The following OPHN1 variants were observed in gnomAD, a reference collection of about 807,000 sequenced individuals.
OPHN1 encodes oligophrenin 1.
In OPHN1, 11 loss-of-function variants were observed where a neutral mutation model predicts 60.7. That is an observed-to-expected ratio of 0.18 (90% confidence interval 0.11 to 0.30). The LOEUF (loss-of-function observed/expected upper bound fraction) is 0.30. Among genes scored for constraint, OPHN1 ranks in the 10% least tolerant of loss-of-function variants. OPHN1 has a pLI of 1.00. For synonymous variants in OPHN1, 226 were observed against 222.6 expected (o/e 1.02, Z -0.14); for missense variants, 449 against 611.0 (o/e 0.73, Z 2.80).
intron 2 of OPHN1, among the ~76,000 whole-genome samples, chrX:68,421,104 A>G (rs763136917): frequency 8.9e-6 from 1 of 111,898 alleles, no homozygotes; most frequent in South Asian, 3.7e-4. Context: ...GATTAGTCAA[A>G]GAAAAGGAAA....
intron 6 of OPHN1, among the ~76,000 whole-genome samples, chrX:68,217,075 C>T (rs983284490): frequency 3.6e-5 from 4 of 111,307 alleles, no homozygotes; most frequent in African/African-American, 6.5e-5. Flanking sequence ...GTGCGCGCAC[C>T]GTGCGCGAGC....
intron 2 of OPHN1, among the ~76,000 whole-genome samples, chrX:68,383,945 C>G (rs1176771898): frequency 2.7e-5 from 3 of 111,200 alleles, no homozygotes; most frequent in African/African-American, 9.8e-5. Context: ...GAACGTTTGC[C>G]AGTTACCTGA....
At chrX:68,209,975 C>G in intron 9 of OPHN1, 178 bp downstream of exon 9, 34 of 476,507 alleles carry the variant, frequency 7.1e-5, no homozygotes, top group East Asian at 1.2e-4. Flanking sequence ...AAATCTTTAA[C>G]TTCCTCTCAG....
chrX:68,072,656 C>T (rs2076939028), intron 20 of OPHN1, among the ~76,000 whole-genome samples: 1 of 111,240 alleles, frequency 9.0e-6, no homozygotes, highest in African/African-American at 3.3e-5. Context: ...GGCAGAGGCA[C>T]ATTTAGAATG....
At chrX:68,396,887 G>A (rs1260469089) in intron 2 of OPHN1, among the ~76,000 whole-genome samples, 1 of 112,058 alleles carries the variant, frequency 8.9e-6, no homozygotes, top group Non-Finnish European at 1.9e-5. Context: ...TAAGTAGTAA[G>A]TGGCTGGAAA....
At chrX:68,227,268 A>G in intron 6 of OPHN1, among the ~76,000 whole-genome samples, 1 of 111,331 alleles carries the variant, frequency 9.0e-6, no homozygotes, top group Non-Finnish European at 1.9e-5. Flanking sequence ...AAGTCCTTAG[A>G]GACCGAGAAA....
intron 15 of OPHN1, chrX:68,132,890 G>T: frequency 3.1e-6 from 1 of 326,443 alleles, no homozygotes; most frequent in Non-Finnish European, 5.4e-6. Context: ...ACGCTGAAGC[G>T]GCCCATGGAC....
At chrX:68,236,458 A>C (rs2077753355) in intron 5 of OPHN1, among the ~76,000 whole-genome samples, 1 of 112,377 alleles carries the variant, frequency 8.9e-6, no homozygotes, top group Admixed American at 9.4e-5. Context: ...GGTTTTTAGC[A>C]TATTCACAAA....
chrX:68,215,045 T>A (rs922274026), intron 6 of OPHN1, among the ~76,000 whole-genome samples: 1 of 111,019 alleles, frequency 9.0e-6, no homozygotes, highest in Non-Finnish European at 1.9e-5. Context: ...ATAATTATAA[T>A]TAATATGATA....
chrX:68,152,208 C>T lies in OPHN1; in HGVS notation c.1277-32876G>A, dbSNP rs764763381. On this transcript the variant is annotated intron_variant, in intron 15 of 24. Transcript: ENST00000355520. ...GGCAACAAACATCCAAACCATATCA[C>T]CCCTCTCAGCAGGTAGCCTTACCAT... is the stretch of plus-strand genomic sequence containing the variant. Among the ~76,000 whole-genome samples the T allele has an allele frequency of 3.1e-3, 343 of 111,088 alleles. 1 individual carries two copies. The highest frequency in any genetic ancestry group is 0.03 in the South Asian group (77 of 2,537).
intron 2 of OPHN1, among the ~76,000 whole-genome samples, chrX:68,344,455 T>C (rs1387370709): frequency 1.9e-5 from 2 of 105,019 alleles, no homozygotes. Flanking sequence ...TTACAAAAAT[T>C]ACAAAAATTA....
intron 2 of OPHN1, among the ~76,000 whole-genome samples, chrX:68,378,585 A>G (rs2078575034): frequency 2.7e-5 from 3 of 111,816 alleles, no homozygotes; most frequent in Non-Finnish European, 3.8e-5. Flanking sequence ...TTAAGTCTTT[A>G]ATCCATCTTG....
chrX:68,217,399 A>G (rs1460920765), intron 6 of OPHN1, among the ~76,000 whole-genome samples: 2 of 112,175 alleles, frequency 1.8e-5, no homozygotes, highest in Non-Finnish European at 3.8e-5. Context: ...CAAAGCAGCC[A>G]GGAAGCTCGA....
intron 21 of OPHN1, among the ~76,000 whole-genome samples, chrX:68,054,128 A>C (rs1392685479): frequency 9.1e-6 from 1 of 110,240 alleles, no homozygotes; most frequent in East Asian, 2.9e-4. Flanking sequence ...GGGAGGATTA[A>C]ATCAGGTACT....
At chrX:68,415,959 G>A (rs1285731894) in intron 2 of OPHN1, among the ~76,000 whole-genome samples, 1 of 105,201 alleles carries the variant, frequency 9.5e-6, no homozygotes, top group East Asian at 2.9e-4. Flanking sequence ...AGGTTGCAAT[G>A]AGCTGAGATC....
At chrX:68,282,976 A>G (rs745645448) in intron 4 of OPHN1, 80 bp downstream of exon 4, 8 of 753,775 alleles carry the variant, frequency 1.1e-5, no homozygotes, top group East Asian at 6.5e-5. Context: ...ATAGTATAGG[A>G]TCAATCCAAG....
rs867934671 is a variant in OPHN1 at position 68,269,997 on chromosome X, G to A, written c.384+4741C>T. On this transcript the variant is annotated intron_variant, in intron 5 of 24. Coordinates refer to ENST00000355520, the MANE Select transcript of OPHN1 (RefSeq NM_002547.3). ...ACAGACACAGGAAAAAATGCTCATCGTCACTGGTCATCAGAGAAATGCAAA... is the reference window on the plus strand; with the variant it reads ...ACAGACACAGGAAAAAATGCTCATCATCACTGGTCATCAGAGAAATGCAAA... 2.6e-3 allele frequency among the ~76,000 whole-genome samples: 288 copies of A among 111,701 alleles called. 1 individual carries two copies. The highest frequency in any genetic ancestry group is 9.2e-3 in the Middle Eastern group (2 of 217).
chrX:68,128,886 G>A (rs754969287), intron 15 of OPHN1, among the ~76,000 whole-genome samples: 58 of 111,781 alleles, frequency 5.2e-4, no homozygotes, highest in African/African-American at 1.8e-3. Flanking sequence ...GAAAGCTCAC[G>A]ATAAGACCAT....
chrX:68,390,701 G>GACGT (rs2078649390), intron 2 of OPHN1, among the ~76,000 whole-genome samples: 1 of 112,021 alleles, frequency 8.9e-6, no homozygotes, highest in Non-Finnish European at 1.9e-5. Flanking sequence ...TGGTGATCAA[G>GACGT]ACGTAAATGG....
Sources: gnomAD v4.1 joint callset for allele counts (sites outside exome capture counted in the v4.1 genomes callset) on GRCh38, gnomAD v4.1.1 for gene constraint, MANE v1.5 for transcripts, NCBI Gene and HGNC (gene_info 2026-07-23, HGNC 2026-07-21) for gene names.